The following ATG10 variants were observed in gnomAD, a reference collection of about 807,000 sequenced individuals.
ATG10 encodes the protein autophagy related 10.
ATG10 carries 30 observed loss-of-function variants against 32.1 expected under a neutral mutation model. The ratio of observed to expected loss-of-function variants is 0.94; its 90% CI spans 0.70 to 1.27. The LOEUF (loss-of-function observed/expected upper bound fraction) is 1.27. Among genes scored for constraint, ATG10 ranks in the 50% most tolerant of loss-of-function variants. The pLI is 0.00. For synonymous variants in ATG10, 87 were observed against 91.5 expected, an observed-to-expected ratio of 0.95 and a Z score of 0.28; for missense variants, 233 against 262.3, an observed-to-expected ratio of 0.89 and a Z score of 0.77.
At chr5:82,171,634 T>A (rs1743812617) in intron 4 of ATG10, among the ~76,000 whole-genome samples, 1 of 152,226 alleles carries the variant, frequency 6.6e-6, no homozygotes, top group East Asian at 1.9e-4. Context: ...AAATTGGAAG[T>A]GTGTTTGGAT....
intron 3 of ATG10, chr5:82,073,518 G>A (rs1362042080): frequency 6.6e-6 from 1 of 152,142 alleles, no homozygotes; most frequent in Non-Finnish European, 1.5e-5. Flanking sequence ...CCCTCCTTCT[G>A]TGTGACTTTG....
intron 5 of ATG10, among the ~76,000 whole-genome samples, chr5:82,227,530 A>T (rs139840410): frequency 1.8e-3 from 269 of 152,092 alleles, no homozygotes; most frequent in Non-Finnish European, 3.4e-3. Flanking sequence ...GCCTGCCACC[A>T]TAACTAGCTA....
chr5:82,129,946 A>G (rs1766451426), intron 3 of ATG10, among the ~76,000 whole-genome samples: 1 of 152,068 alleles, frequency 6.6e-6, no homozygotes, highest in Admixed American at 6.5e-5. Context: ...TGCCCCCACA[A>G]CTGCCCCTTC....
At position 81,987,633 on chromosome 5, in the gene ATG10, A is replaced by G. The variant is rs761270718; in HGVS notation, c.63A>G (p.Lys21=). ...AACGTTATTGTGCAGAATTCATTAA[A>G]CATTCACAACAGATAGGTGATAGTT... ...TFQRYCAEFI[K]HSQQIGDSWE... Residue 21 remains lysine (K), a synonymous_variant, in exon 2 of 8, where the codon AAA becomes AAG. Coordinates refer to ENST00000282185, the MANE Select transcript of ATG10 (RefSeq NM_031482.5). 1 of 1,613,134 alleles carries G rather than the reference A, an allele frequency of 6.2e-7. No homozygotes were observed. Among genetic ancestry groups the G allele is most frequent in the Non-Finnish European group, 8.5e-7 (1 of 1,179,712 alleles).
At chr5:82,197,831 C>A (rs1744926708) in intron 5 of ATG10, among the ~76,000 whole-genome samples, 1 of 152,082 alleles carries the variant, frequency 6.6e-6, no homozygotes, top group South Asian at 2.1e-4. Context: ...GTATCACATT[C>A]AGCAGTTCAG....
At chr5:82,093,493 G>C (rs960084047) in intron 3 of ATG10, among the ~76,000 whole-genome samples, 8 of 152,098 alleles carry the variant, frequency 5.3e-5, no homozygotes, top group Admixed American at 3.3e-4. Context: ...CCTTCCTCTA[G>C]CTCAGGGGAT....
chr5:82,106,072 A>G (rs533192645), intron 3 of ATG10, among the ~76,000 whole-genome samples: 1 of 152,252 alleles, frequency 6.6e-6, no homozygotes, highest in African/African-American at 2.4e-5. Context: ...TGTTGCATTT[A>G]ATATTACAAG....
rs758864593 is a variant in ATG10 at position 82,178,579 on chromosome 5, A to G, written c.445A>G (p.Thr149Ala). 3 of 1,604,278 alleles carry G rather than the reference A, an allele frequency of 1.9e-6. No homozygotes were observed. The South Asian group carries it at 3.3e-5, about 18-fold the overall frequency. Reference protein sequence around the residue: ...RLLQGPWDTITQQEHPILGQP... With the variant: ...RLLQGPWDTIAQQEHPILGQP... ...GCTACAGGGACCATGGGACACTATT[A>G]CGCAACAGGTTGGAGAGTATTGTCA... Residue 149 changes from threonine (T) to alanine (A), a missense_variant, in exon 5 of 8, where the codon ACG becomes GCG. By Grantham distance (58) the Thr-to-Ala change is moderately conservative (BLOSUM62 0). Coordinates refer to ENST00000282185, the MANE Select transcript of ATG10 (RefSeq NM_031482.5).
chr5:81,997,893 A>G (rs1477422979), intron 2 of ATG10, among the ~76,000 whole-genome samples: 1 of 152,272 alleles, frequency 6.6e-6, no homozygotes, highest in Non-Finnish European at 1.5e-5. Flanking sequence ...AGTTATGTAA[A>G]GAGATCACCC....
chr5:82,211,107 C>G (rs1273199150), intron 5 of ATG10, among the ~76,000 whole-genome samples: 5 of 152,114 alleles, frequency 3.3e-5, no homozygotes. Context: ...AAGAAAACTT[C>G]TGGGTTTTAA....
chr5:82,252,770 G>T (rs1747319431), intron 6 of ATG10, 111 bp downstream of exon 6: 1 of 656,332 alleles, frequency 1.5e-6, no homozygotes, highest in Non-Finnish European at 2.6e-6. Flanking sequence ...AATAATAATG[G>T]CTAACACAAT....
intron 1 of ATG10, among the ~76,000 whole-genome samples, chr5:81,979,936 T>A (rs1424309555): frequency 6.6e-6 from 1 of 152,100 alleles, no homozygotes; most frequent in Non-Finnish European, 1.5e-5. Flanking sequence ...AGGTTGGACC[T>A]GTGTTCTTTG....
chr5:82,024,366 A>G (rs765109780), intron 2 of ATG10, among the ~76,000 whole-genome samples: 16 of 152,268 alleles, frequency 1.1e-4, no homozygotes, highest in Non-Finnish European at 2.4e-4. Flanking sequence ...CTACACTGGT[A>G]ACAGTGCAAG....
intron 5 of ATG10, among the ~76,000 whole-genome samples, chr5:82,197,965 G>A (rs1344242154): frequency 6.6e-6 from 1 of 152,088 alleles, no homozygotes. Flanking sequence ...GCCTGGTATT[G>A]TGTGCCCTGT....
At chr5:82,244,536 G>T (rs1746943698) in intron 5 of ATG10, among the ~76,000 whole-genome samples, 2 of 152,114 alleles carry the variant, frequency 1.3e-5, no homozygotes, top group African/African-American at 4.8e-5. Context: ...CCTGCTTGAG[G>T]GGTTAGCATG....
intron 3 of ATG10, among the ~76,000 whole-genome samples, chr5:82,086,147 A>G (rs1250359075): frequency 1.3e-5 from 2 of 152,144 alleles, no homozygotes; most frequent in Admixed American, 6.5e-5. Flanking sequence ...TAAATTCTCA[A>G]CCTTTATTGA....
chr5:82,121,483 A>C (rs1414932071), intron 3 of ATG10, among the ~76,000 whole-genome samples: 1 of 152,142 alleles, frequency 6.6e-6, no homozygotes, highest in Non-Finnish European at 1.5e-5. Flanking sequence ...TCTGGCTATG[A>C]CTTCCAATAC....
chr5:82,097,856 T>A (rs324915), intron 3 of ATG10, among the ~76,000 whole-genome samples: 143,570 of 152,292 alleles, frequency 0.94, 67,725 homozygotes, highest in East Asian at 1. Flanking sequence ...TTCAGAGGGA[T>A]CTGGAATATG....
At chr5:81,983,464 A>AC (rs1171471594) in intron 1 of ATG10, among the ~76,000 whole-genome samples, 45 of 50,228 alleles carry the variant, frequency 9.0e-4, no homozygotes, top group East Asian at 3.0e-3. Context: ...CGGGGGTCTG[A>AC]CCCCCCCCAC....
Sources: gnomAD v4.1 joint callset for allele counts (sites outside exome capture counted in the v4.1 genomes callset) on GRCh38, gnomAD v4.1.1 for gene constraint, MANE v1.5 for transcripts, NCBI Gene and HGNC (gene_info 2026-07-23, HGNC 2026-07-21) for gene names.